The following CNTNAP2 variants were observed in gnomAD, a reference collection of about 807,000 sequenced individuals.
CNTNAP2 encodes contactin-associated protein-like 2.
A neutral mutation model predicts 155.2 loss-of-function variants in CNTNAP2; 98 were observed. The ratio of observed to expected loss-of-function variants is 0.63; its 90% CI spans 0.54 to 0.75. The LOEUF is 0.75. CNTNAP2 is among the 30% of genes least tolerant of loss of function. The pLI is 0.00. For missense variants in CNTNAP2, 1,727 were observed against 1,688.1 expected (o/e 1.02, Z -0.40); for synonymous variants, 651 against 631.2 (o/e 1.03, Z -0.47).
chr7:147,967,630 T>C (rs879677483), intron 14 of CNTNAP2, among the ~76,000 whole-genome samples: 16 of 152,212 alleles, frequency 1.1e-4, no homozygotes, highest in Non-Finnish European at 2.1e-4. Context: ...AGGGTAATAA[T>C]TAGATTATCT....
At chr7:147,289,004 T>C (rs1194246673) in intron 8 of CNTNAP2, among the ~76,000 whole-genome samples, 1 of 152,212 alleles carries the variant, frequency 6.6e-6, no homozygotes, top group Non-Finnish European at 1.5e-5. Flanking sequence ...GTACCTCATA[T>C]ACATTATGAC....
At chr7:146,127,966 C>T (rs946024160) in intron 1 of CNTNAP2, among the ~76,000 whole-genome samples, 1 of 152,078 alleles carries the variant, frequency 6.6e-6, no homozygotes, top group Non-Finnish European at 1.5e-5. Flanking sequence ...ATAGTTACTT[C>T]TATTCTATTT....
rs138972597 is a variant in CNTNAP2 at position 146,554,116 on chromosome 7, T to C, written c.98-220155T>C. Reference sequence around the variant, plus strand: ...GATGAGAATGCAGTGTAACTAACGTTGAATCTAAGGCCAAAAAGTATCTAC... The same window carrying C: ...GATGAGAATGCAGTGTAACTAACGTCGAATCTAAGGCCAAAAAGTATCTAC... On this transcript the variant is annotated intron_variant, in intron 1 of 23. Transcript: ENST00000361727. Among the ~76,000 whole-genome samples, 831 of 152,252 alleles carry C rather than the reference T, an allele frequency of 5.5e-3. 7 individuals carry two copies. The highest frequency in any genetic ancestry group is 0.019 in the African/African-American group (775 of 41,544).
chr7:148,011,576 T>C (rs1429717273), intron 15 of CNTNAP2, among the ~76,000 whole-genome samples: 1 of 152,230 alleles, frequency 6.6e-6, no homozygotes, highest in African/African-American at 2.4e-5. Context: ...ATCTTTCTGC[T>C]TATCCCTTGC....
At chr7:148,076,482 C>G (rs1359475654) in intron 15 of CNTNAP2, among the ~76,000 whole-genome samples, 1 of 118,918 alleles carries the variant, frequency 8.4e-6, no homozygotes, top group Non-Finnish European at 1.6e-5. Flanking sequence ...TTCACCCAGG[C>G]TGGAGTGCAG....
At chr7:147,159,441 G>T (rs866920894) in intron 8 of CNTNAP2, among the ~76,000 whole-genome samples, 1 of 152,044 alleles carries the variant, frequency 6.6e-6, no homozygotes, top group African/African-American at 2.4e-5. Flanking sequence ...TGGAAAGTCA[G>T]ATATACCTAT....
At chr7:148,118,389 G>T (rs1804523203) in intron 16 of CNTNAP2, 101 bp downstream of exon 16, 1 of 1,301,142 alleles carries the variant, frequency 7.7e-7, no homozygotes, top group East Asian at 2.5e-5. Flanking sequence ...AACGTGGAAG[G>T]TTTCCTTTGT....
chr7:146,156,336 T>C (rs537120652), intron 1 of CNTNAP2, among the ~76,000 whole-genome samples: 1 of 152,290 alleles, frequency 6.6e-6, no homozygotes, highest in South Asian at 2.1e-4. Context: ...TAAGAGCACA[T>C]TGATACATTG....
At chr7:147,421,515 CA>C in intron 10 of CNTNAP2, among the ~76,000 whole-genome samples, 1 of 150,508 alleles carries the variant, frequency 6.6e-6, no homozygotes, top group Non-Finnish European at 1.5e-5. Context: ...CTAAATTACA[CA>C]AATAAAATAT....
intron 1 of CNTNAP2, among the ~76,000 whole-genome samples, chr7:146,578,549 G>GGTT (rs1175082151): frequency 3.3e-5 from 5 of 151,990 alleles, no homozygotes; most frequent in African/African-American, 4.8e-5. Context: ...TTCCGTAAGA[G>GGTT]GTTACAGTAC....
chr7:147,366,777 G>GCA (rs1246233524), intron 9 of CNTNAP2, among the ~76,000 whole-genome samples: 10 of 56,926 alleles, frequency 1.8e-4, no homozygotes, highest in African/African-American at 3.8e-4. Flanking sequence ...CGAATTTGTT[G>GCA]CACGCACACA....
chr7:147,811,085 TG>T lies in CNTNAP2; in HGVS notation c.2099-92475del, dbSNP rs565523401. 5.3e-3 allele frequency among the ~76,000 whole-genome samples: 814 copies of T among 152,240 alleles called. 4 individuals are homozygous for T. The highest frequency in any genetic ancestry group is 0.02 in the South Asian group (97 of 4,820). On this transcript the variant is annotated intron_variant, in intron 13 of 23. Transcript: ENST00000361727. ...TTCAATAAAATGTGGACTATACCTT[TG>T]GGGGTTGTGTTCATTTGTTTGTTTT...
intron 16 of CNTNAP2, 29 bp from the exon 17 acceptor site, chr7:148,147,461 TC>T (rs1440504787): frequency 8.8e-6 from 14 of 1,596,878 alleles, no homozygotes; most frequent in Non-Finnish European, 1.2e-5. Flanking sequence ...AGAAAAATAC[TC>T]ATGTTTTTCA....
chr7:146,893,854 G>C (rs1188564217), intron 3 of CNTNAP2, among the ~76,000 whole-genome samples: 2 of 152,182 alleles, frequency 1.3e-5, no homozygotes, highest in East Asian at 3.9e-4. Flanking sequence ...AGAGGAAGAA[G>C]TTTCAATAGA....
chr7:148,132,323 A>G (rs1001708477), intron 16 of CNTNAP2, among the ~76,000 whole-genome samples: 2 of 151,896 alleles, frequency 1.3e-5, no homozygotes, highest in African/African-American at 4.8e-5. Context: ...GTAAAAATAT[A>G]TCTTCTTTAA....
At chr7:147,297,416 A>G (rs1794850256) in intron 8 of CNTNAP2, among the ~76,000 whole-genome samples, 1 of 152,230 alleles carries the variant, frequency 6.6e-6, no homozygotes, top group Non-Finnish European at 1.5e-5. Context: ...AAATGAACAT[A>G]TAATAAATTT....
chr7:147,718,071 C>T (rs1160918861), intron 13 of CNTNAP2, among the ~76,000 whole-genome samples: 1 of 151,952 alleles, frequency 6.6e-6, no homozygotes, highest in Non-Finnish European at 1.5e-5. Context: ...TCTTTGTAAT[C>T]ATATTGCTTG....
At chr7:147,801,185 T>C (rs755314622) in intron 13 of CNTNAP2, among the ~76,000 whole-genome samples, 6 of 152,118 alleles carry the variant, frequency 3.9e-5, no homozygotes, top group Non-Finnish European at 7.3e-5. Context: ...TTCTCAAACA[T>C]AGAGAGAATA....
chr7:148,362,411 T>G (rs1409803530), intron 21 of CNTNAP2, among the ~76,000 whole-genome samples: 2 of 152,072 alleles, frequency 1.3e-5, no homozygotes, highest in Non-Finnish European at 2.9e-5. Context: ...CATAAAAAGG[T>G]CACACTCACA....
Sources: gnomAD v4.1 joint callset for allele counts (sites outside exome capture counted in the v4.1 genomes callset) on GRCh38, gnomAD v4.1.1 for gene constraint, MANE v1.5 for transcripts, NCBI Gene and HGNC (gene_info 2026-07-23, HGNC 2026-07-21) for gene names.